Variants in MAP4K4 observed in about 807,000 individuals in gnomAD.
MAP4K4 encodes HPK/GCK-like kinase HGK.
A neutral mutation model predicts 189.6 loss-of-function variants in MAP4K4; 38 were observed. The ratio of observed to expected loss-of-function variants is 0.20; its 90% CI spans 0.15 to 0.26. The LOEUF (loss-of-function observed/expected upper bound fraction) is 0.26, where lower values mean the gene tolerates loss of function less well. Ranked by LOEUF, MAP4K4 falls within the 10% of genes least tolerant of loss-of-function variation. The probability of loss-of-function intolerance (pLI) is 1.00; values close to 1 mark genes in which losing one functional copy is unlikely to be tolerated. For missense variants in MAP4K4, 1,054 were observed against 1,726.9 expected, an observed-to-expected ratio of 0.61 and a Z score of 6.91; for synonymous variants, 610 against 624.3, an observed-to-expected ratio of 0.98 and a Z score of 0.34.
chr2:101,775,425 T>G (rs566052810), intron 2 of MAP4K4, among the ~76,000 whole-genome samples: 2 of 152,100 alleles, frequency 1.3e-5, no homozygotes, highest in Admixed American at 1.3e-4. Context: ...GGAACCCTTC[T>G]TAAAGGAGAG....
intron 2 of MAP4K4, among the ~76,000 whole-genome samples, chr2:101,783,166 CCTT>C (rs2088640568): frequency 6.6e-6 from 1 of 151,854 alleles, no homozygotes; most frequent in Non-Finnish European, 1.5e-5. Flanking sequence ...AGTTGAGTGT[CCTT>C]CTAGCTCTCT....
chr2:101,890,835 A>G lies in MAP4K4; in HGVS notation c.4072-331A>G, dbSNP rs528411234. Reference sequence around the variant, plus strand: ...GAATGCAGTGGTGTGACCTTGGCTCACTGCAGCCTCCACCTCCCGGGTTCA... The same window carrying G: ...GAATGCAGTGGTGTGACCTTGGCTCGCTGCAGCCTCCACCTCCCGGGTTCA... On this transcript the variant is annotated intron_variant, in intron 32 of 32. Transcript: ENST00000324219. 2.0e-5 allele frequency among the ~76,000 whole-genome samples: 3 copies of G among 151,566 alleles called. No homozygotes were observed. In the South Asian group the frequency reaches 6.3e-4, roughly 32 times the overall value.
chr2:101,766,371 A>G (rs779935127), intron 2 of MAP4K4, among the ~76,000 whole-genome samples: 1 of 152,036 alleles, frequency 6.6e-6, no homozygotes, highest in African/African-American at 2.4e-5. Flanking sequence ...AGTTGATTGG[A>G]TTTCTGCTTT....
exon 33 of MAP4K4, chr2:101,891,634 G>A (rs757121450): frequency 5.8e-5 from 10 of 173,104 alleles, no homozygotes; most frequent in Non-Finnish European, 1.0e-4. Context: ...CATGCCGTTG[G>A]TTTTATTGGC....
intron 11 of MAP4K4, 144 bp downstream of exon 11, chr2:101,842,825 C>T (rs1285316350): frequency 5.2e-6 from 3 of 572,874 alleles, no homozygotes; most frequent in Admixed American, 6.4e-5. Context: ...CTTCTCTATT[C>T]TTGACAGATT....
chr2:101,707,212 C>A (rs1182418760), intron 2 of MAP4K4, among the ~76,000 whole-genome samples: 1 of 133,934 alleles, frequency 7.5e-6, no homozygotes, highest in East Asian at 2.1e-4. Context: ...TTTATTTTAT[C>A]TTTTTTTTTT....
chr2:101,788,871 GA>G (rs150804111), intron 2 of MAP4K4, among the ~76,000 whole-genome samples: 8,878 of 151,170 alleles, frequency 0.059, 312 homozygotes, highest in African/African-American at 0.09. Context: ...AGATTTGTTT[GA>G]AAAAAGAAAA....
chr2:101,702,686 C>T (rs978780536), intron 2 of MAP4K4, among the ~76,000 whole-genome samples: 1 of 152,306 alleles, frequency 6.6e-6, no homozygotes, highest in African/African-American at 2.4e-5. Flanking sequence ...TAGAATCCAG[C>T]AGGTAAAATG....
At chr2:101,857,067 T>C (rs1037906757) in intron 13 of MAP4K4, among the ~76,000 whole-genome samples, 10 of 152,248 alleles carry the variant, frequency 6.6e-5, no homozygotes, top group Middle Eastern at 3.2e-3. Flanking sequence ...ATTCCACTTA[T>C]GTTTATACCT....
At chr2:101,820,225 A>G (rs2095964689) in intron 3 of MAP4K4, among the ~76,000 whole-genome samples, 1 of 152,158 alleles carries the variant, frequency 6.6e-6, no homozygotes, top group South Asian at 2.1e-4. Flanking sequence ...CATAGGTAGC[A>G]TTTCTTTCTT....
intron 3 of MAP4K4, among the ~76,000 whole-genome samples, chr2:101,792,597 T>TCTCCTC (rs60472010): frequency 0.016 from 2,336 of 144,896 alleles, 53 homozygotes; most frequent in African/African-American, 0.025. Flanking sequence ...TTCTCCTCCT[T>TCTCCTC]CTCCTCCTCC....
At chr2:101,801,986 A>G (rs960676991) in intron 3 of MAP4K4, among the ~76,000 whole-genome samples, 1 of 152,192 alleles carries the variant, frequency 6.6e-6, no homozygotes, top group Non-Finnish European at 1.5e-5. Context: ...CTGTCAGGAA[A>G]TCCTATTGGT....
intron 2 of MAP4K4, among the ~76,000 whole-genome samples, chr2:101,751,005 A>C (rs2068623862): frequency 6.6e-6 from 1 of 152,150 alleles, no homozygotes; most frequent in African/African-American, 2.4e-5. Context: ...CAGGCTCCAC[A>C]GCCTGGGCAC....
At chr2:101,825,452 G>A in intron 5 of MAP4K4, 23 bp downstream of exon 5, 1 of 1,491,132 alleles carries the variant, frequency 6.7e-7, no homozygotes, top group Non-Finnish European at 9.3e-7. Flanking sequence ...GGTGGCTACA[G>A]TGCTCCAACT....
chr2:101,865,269 A>T (rs868094565), intron 18 of MAP4K4, among the ~76,000 whole-genome samples: 18 of 152,358 alleles, frequency 1.2e-4, no homozygotes, highest in African/African-American at 3.8e-4. Context: ...AATTTAAACT[A>T]CTTTTCTCTG....
intron 2 of MAP4K4, among the ~76,000 whole-genome samples, chr2:101,763,746 A>C (rs928585398): frequency 6.6e-6 from 1 of 152,236 alleles, no homozygotes; most frequent in Non-Finnish European, 1.5e-5. Flanking sequence ...AATCTCTATG[A>C]GAAACAAAGG....
At chr2:101,848,949 T>TG (rs978002397) in intron 12 of MAP4K4, among the ~76,000 whole-genome samples, 2 of 152,182 alleles carry the variant, frequency 1.3e-5, no homozygotes, top group South Asian at 2.1e-4. Context: ...GCTGAGCTCA[T>TG]GCAGCCGAGT....
chr2:101,849,026 T>C (rs2097196993), intron 12 of MAP4K4, among the ~76,000 whole-genome samples: 1 of 152,186 alleles, frequency 6.6e-6, no homozygotes, highest in Non-Finnish European at 1.5e-5. Context: ...GTGACTGTGC[T>C]CCCTGGGTCC....
intron 2 of MAP4K4, among the ~76,000 whole-genome samples, chr2:101,757,342 T>C (rs1024466185): frequency 1.3e-5 from 2 of 152,244 alleles, no homozygotes; most frequent in South Asian, 4.1e-4. Flanking sequence ...TCTGCATTTA[T>C]CTCTTTTTCT....
Sources: allele counts gnomAD v4.1 joint callset (sites outside exome capture counted in the v4.1 genomes callset), GRCh38; gene constraint gnomAD v4.1.1; transcripts MANE v1.5; gene names NCBI Gene and HGNC (gene_info 2026-07-23, HGNC 2026-07-21).